The following EYS variants were observed in gnomAD, a reference collection of about 807,000 sequenced individuals.
EYS encodes the protein EGF-like photoreceptor maintenance factor, also known as protein eyes shut homolog.
In EYS, 250 loss-of-function variants were observed where a neutral mutation model predicts 282.1. The ratio of observed to expected loss-of-function variants is 0.89; its 90% CI spans 0.80 to 0.98. The LOEUF (loss-of-function observed/expected upper bound fraction) is 0.98, where lower values mean the gene tolerates loss of function less well. Among genes scored for constraint, EYS ranks in the 50% least tolerant of loss-of-function variants. EYS has a pLI of 0.00. For missense variants in EYS, 4,016 were observed against 3,709.0 expected, an observed-to-expected ratio of 1.08 and a Z score of -2.15; for synonymous variants, 1,355 against 1,282.9, an observed-to-expected ratio of 1.06 and a Z score of -1.20.
At chr6:65,423,764 G>C (rs1767555067) in intron 5 of EYS, among the ~76,000 whole-genome samples, 1 of 151,814 alleles carries the variant, frequency 6.6e-6, no homozygotes, top group East Asian at 1.9e-4. Flanking sequence ...TATCTTCAGG[G>C]AGCCCGCTTC....
intron 38 of EYS, 88 bp from the exon 39 acceptor site, chr6:63,788,337 T>G: frequency 8.9e-7 from 1 of 1,119,560 alleles, no homozygotes; most frequent in Non-Finnish European, 1.3e-6. Context: ...TCCCATTAAC[T>G]TGGCATGAAA....
intron 12 of EYS, among the ~76,000 whole-genome samples, chr6:65,128,374 AGAACTT>A (rs1775777546): frequency 6.6e-6 from 1 of 152,022 alleles, no homozygotes; most frequent in African/African-American, 2.4e-5. Context: ...CAATAAGAAA[AGAACTT>A]GAACTATCTT....
At chr6:64,818,292 AG>A (rs1764799617) in intron 21 of EYS, among the ~76,000 whole-genome samples, 1 of 152,134 alleles carries the variant, frequency 6.6e-6, no homozygotes, top group African/African-American at 2.4e-5. Context: ...TTCTCTCCCC[AG>A]GCATGCATTT....
intron 12 of EYS, among the ~76,000 whole-genome samples, chr6:65,128,551 A>G (rs1015138265): frequency 5.3e-5 from 8 of 152,090 alleles, no homozygotes; most frequent in Admixed American, 5.2e-4. Flanking sequence ...GCTGAGTCAA[A>G]TCAAGAATGC....
At chr6:64,518,165 T>G (rs1397517839) in intron 26 of EYS, among the ~76,000 whole-genome samples, 1 of 151,848 alleles carries the variant, frequency 6.6e-6, no homozygotes, top group Non-Finnish European at 1.5e-5. Context: ...TGTAACAAAG[T>G]GACAAATTCC....
chr6:64,390,976 T>C (rs1004220578), intron 28 of EYS, among the ~76,000 whole-genome samples: 2 of 151,752 alleles, frequency 1.3e-5, no homozygotes, highest in Non-Finnish European at 2.9e-5. Flanking sequence ...ACGTGAAGAA[T>C]GCAGAAGCCT....
Position 64,055,322 on chromosome 6 carries a change from TAAC to T in EYS, c.6725+11013_6725+11015del, listed in dbSNP as rs1770946198. On this transcript the variant is annotated intron_variant, in intron 33 of 42. Transcript: ENST00000503581. Reference sequence around the variant, plus strand: ...AGGTGTATGTGTGTGTGAAAAACCATAACAATAATACTTTCGTTTGAGGGATAC... The same window carrying T: ...AGGTGTATGTGTGTGTGAAAAACCATAATAATACTTTCGTTTGAGGGATAC... Among the ~76,000 whole-genome samples the T allele has an allele frequency of 2.6e-5, 4 of 152,128 alleles. No homozygotes were observed. The South Asian group carries it at 8.3e-4, about 32-fold the overall frequency.
chr6:64,783,063 A>C (rs1773910219), intron 22 of EYS, among the ~76,000 whole-genome samples: 1 of 152,116 alleles, frequency 6.6e-6, no homozygotes, highest in South Asian at 2.1e-4. Flanking sequence ...TGGGACGTGA[A>C]TCATCCTTTT....
chr6:64,989,636 AATAC>A (rs1770990865), intron 14 of EYS, among the ~76,000 whole-genome samples: 1 of 144,382 alleles, frequency 6.9e-6, no homozygotes, highest in Non-Finnish European at 1.5e-5. Context: ...ATATAAATTA[AATAC>A]ATAATTATAA....
At chr6:63,743,528 A>G (rs1769135699) in intron 41 of EYS, among the ~76,000 whole-genome samples, 1 of 152,188 alleles carries the variant, frequency 6.6e-6, no homozygotes, top group Non-Finnish European at 1.5e-5. Flanking sequence ...TATCAAAGAA[A>G]TAGTTTTGCA....
intron 31 of EYS, among the ~76,000 whole-genome samples, chr6:64,212,649 T>C (rs1489796610): frequency 3.3e-5 from 5 of 152,020 alleles, no homozygotes; most frequent in Admixed American, 6.6e-5. Flanking sequence ...GGAACACTTA[T>C]ACACTGTTGG....
intron 26 of EYS, among the ~76,000 whole-genome samples, chr6:64,526,962 T>G (rs999459037): frequency 4.6e-5 from 7 of 151,784 alleles, no homozygotes; most frequent in African/African-American, 1.7e-4. Context: ...CAGACTACCA[T>G]CTATACAAAA....
Position 65,494,764 on chromosome 6 carries a change from G to T in EYS, c.647C>A (p.Ala216Glu), listed in dbSNP as rs780733593. ...FSGKYCQELD[A>E]CSFKPCKNNG... is the part of the protein sequence containing the mutation. ...ATTTTTACATGGTTTAAAAGAACAT[G>T]CATCAAGTTCCTGGCAGTATTTTCC... The change falls in exon 4 of 43, where the codon GCA (alanine) becomes GAA (glutamate). Residue 216 changes from alanine (A) to glutamate (E), a missense_variant. By Grantham distance (107) the Ala-to-Glu change is moderately radical. Coordinates refer to ENST00000503581, the MANE Select transcript of EYS (RefSeq NM_001142800.2). 1.2e-6 allele frequency: 2 copies of T among 1,613,898 alleles called. No homozygotes were observed. The highest frequency in any genetic ancestry group is 2.2e-5 in the East Asian group (1 of 44,874).
intron 26 of EYS, among the ~76,000 whole-genome samples, chr6:64,528,868 T>G (rs1417871047): frequency 7.9e-5 from 12 of 152,034 alleles, no homozygotes; most frequent in Non-Finnish European, 2.9e-5. Context: ...CGCTGCTTTA[T>G]CAAATCTGTT....
intron 19 of EYS, among the ~76,000 whole-genome samples, chr6:64,845,717 T>C (rs1204341368): frequency 2.0e-5 from 3 of 152,252 alleles, no homozygotes; most frequent in South Asian, 2.1e-4. Context: ...TGAAATCCCA[T>C]ATGATTTTAT....
At chr6:65,332,080 G>A (rs373247141) in intron 11 of EYS, 22 of 311,024 alleles carry the variant, frequency 7.1e-5, no homozygotes, top group African/African-American at 2.2e-4. Flanking sequence ...CAGTCTTTCA[G>A]CCTTTCACCG....
chr6:65,138,644 A>G (rs6907800), intron 12 of EYS, among the ~76,000 whole-genome samples: 2,535 of 152,142 alleles, frequency 0.017, 86 homozygotes, highest in African/African-American at 0.058. Context: ...TACTTTATAT[A>G]TCCCAGATCA....
At chr6:65,410,188 T>C (rs1582256269) in intron 5 of EYS, among the ~76,000 whole-genome samples, 1 of 152,182 alleles carries the variant, frequency 6.6e-6, no homozygotes, top group East Asian at 1.9e-4. Flanking sequence ...AGTGCTTACA[T>C]CCATAAAGAT....
intron 30 of EYS, among the ~76,000 whole-genome samples, chr6:64,261,247 C>A (rs1767577150): frequency 6.6e-6 from 1 of 151,972 alleles, no homozygotes; most frequent in Admixed American, 6.6e-5. Flanking sequence ...TGAGTAAGAC[C>A]TGAAAAGCAC....
Sources: gnomAD v4.1 joint callset for allele counts (sites outside exome capture counted in the v4.1 genomes callset) on GRCh38, gnomAD v4.1.1 for gene constraint, MANE v1.5 for transcripts, NCBI Gene and HGNC (gene_info 2026-07-23, HGNC 2026-07-21) for gene names.